Variants in CDC42BPA observed in about 807,000 individuals in gnomAD.
CDC42BPA encodes the protein serine/threonine-protein kinase MRCK alpha.
CDC42BPA carries 80 observed loss-of-function variants against 223.5 expected under a neutral mutation model. That is an observed-to-expected ratio of 0.36 (90% CI 0.30 to 0.43). The LOEUF (loss-of-function observed/expected upper bound fraction) is 0.43, where lower values mean the gene tolerates loss of function less well. Ranked by LOEUF, CDC42BPA falls within the 20% of genes least tolerant of loss-of-function variation. The probability of loss-of-function intolerance (pLI) is 1.00; values close to 1 mark genes in which losing one functional copy is unlikely to be tolerated. For synonymous variants in CDC42BPA, 694 were observed against 718.6 expected, an observed-to-expected ratio of 0.97 and a Z score of 0.55; for missense variants, 1,743 against 2,099.9, an observed-to-expected ratio of 0.83 and a Z score of 3.32.
intron 1 of CDC42BPA, among the ~76,000 whole-genome samples, chr1:227,306,156 TGCTTCC>T (rs1692507318): frequency 8.1e-6 from 1 of 123,668 alleles, no homozygotes; most frequent in African/African-American, 3.0e-5. Flanking sequence ...TTTTTTTTTT[TGCTTCC>T]TTCTACAAAG....
intron 15 of CDC42BPA, among the ~76,000 whole-genome samples, chr1:227,096,250 T>TA (rs1338214873): frequency 1.3e-5 from 2 of 152,154 alleles, no homozygotes; most frequent in African/African-American, 2.4e-5. Context: ...GCAACTTCAA[T>TA]AAAAAAACTG....
chr1:227,263,230 TCAAACAAA>T (rs554018275), intron 1 of CDC42BPA, among the ~76,000 whole-genome samples: 2 of 152,264 alleles, frequency 1.3e-5, no homozygotes, highest in African/African-American at 4.8e-5. Context: ...AGACTCTGTC[TCAAACAAA>T]CAAACAAACA....
At chr1:227,297,967 T>TACACACACACACACACAC (rs1553440423) in intron 1 of CDC42BPA, among the ~76,000 whole-genome samples, 3 of 132,076 alleles carry the variant, frequency 2.3e-5, no homozygotes, top group African/African-American at 8.8e-5. Context: ...TATATACATA[T>TACACACACACACACACAC]ACACACACAC....
At chr1:227,045,446 G>A (rs1003652517) in intron 23 of CDC42BPA, among the ~76,000 whole-genome samples, 2 of 152,148 alleles carry the variant, frequency 1.3e-5, no homozygotes, top group Admixed American at 6.5e-5. Context: ...CTGGGGACAG[G>A]TATTTGTCAT....
At chr1:227,144,856 T>C (rs1387008262) in intron 8 of CDC42BPA, among the ~76,000 whole-genome samples, 6 of 152,188 alleles carry the variant, frequency 3.9e-5, no homozygotes, top group South Asian at 4.1e-4. Flanking sequence ...ATTTTCCCTA[T>C]TGATTTCCTA....
intron 21 of CDC42BPA, among the ~76,000 whole-genome samples, chr1:227,055,863 A>G (rs1674439651): frequency 6.6e-6 from 1 of 151,992 alleles, no homozygotes; most frequent in Non-Finnish European, 1.5e-5. Context: ...AACATCTACT[A>G]TATTTCAGTA....
Position 227,005,233 on chromosome 1 carries a change from T to C in CDC42BPA, c.4858-122A>G, listed in dbSNP as rs576317940. ...TCATCTTGACCAGAATGACACAGAG[T>C]AAGGAATGGCAGATTATATAGTCTT... On this transcript the variant is annotated intron_variant, in intron 34 of 36. Coordinates refer to ENST00000366766, the MANE Select transcript of CDC42BPA (RefSeq NM_001394014.1). 9.9e-4 allele frequency: 699 copies of C among 703,130 alleles called. 1 individual carries two copies. Among genetic ancestry groups the C allele is most frequent in the Non-Finnish European group, 1.5e-3 (619 of 399,960 alleles). 43.6% of individuals were successfully genotyped at this position (703,130 alleles called of 1,614,324 possible). A position where few individuals can be genotyped will look rare whatever the true frequency, so the allele number is the denominator to read the frequency against.
intron 23 of CDC42BPA, among the ~76,000 whole-genome samples, chr1:227,047,208 C>T (rs1672622295): frequency 2.0e-5 from 3 of 152,072 alleles, no homozygotes; most frequent in African/African-American, 4.8e-5. Context: ...TATTTTTCTT[C>T]CTAACTACCT....
intron 1 of CDC42BPA, among the ~76,000 whole-genome samples, chr1:227,314,373 T>C (rs1277051625): frequency 6.6e-6 from 1 of 152,110 alleles, no homozygotes; most frequent in African/African-American, 2.4e-5. Context: ...TAGTGATCAT[T>C]GGCTTAATCC....
chr1:227,292,314 A>AG (rs1689839735), intron 1 of CDC42BPA, among the ~76,000 whole-genome samples: 1 of 152,164 alleles, frequency 6.6e-6, no homozygotes, highest in Admixed American at 6.5e-5. Flanking sequence ...GTTAAAGAAA[A>AG]AATATGAAAT....
In CDC42BPA at chr1:226,994,300, C is replaced by G. The variant is rs1407991147; in HGVS notation, c.5233G>C (p.Glu1745Gln). The change falls in exon 37 of 37, where the codon GAG becomes CAG. Residue 1745 changes from glutamate (E) to glutamine (Q), a missense_variant. Physicochemically the swap from Glu to Gln is conservative, Grantham distance 29 (BLOSUM62 2). Coordinates refer to ENST00000366766, the MANE Select transcript of CDC42BPA (RefSeq NM_001394014.1). The surrounding 1 kb of genome is among the most constrained non-coding windows in gnomAD (Gnocchi z 4.0). Reference sequence around the variant, plus strand: ...TCCCAGCTCCCGCGGTCAGTGCTCTCCAGGGAGAGGCTCTTGGTTTTTCGG... The same window carrying G: ...TCCCAGCTCCCGCGGTCAGTGCTCTGCAGGGAGAGGCTCTTGGTTTTTCGG... ...SPRKTKSLSL[E>Q]STDRGSWDP The G allele has an allele frequency of 6.3e-7, 1 of 1,594,314 alleles. No individual in the cohort carries two copies. The highest frequency in any genetic ancestry group is 8.6e-7 in the Non-Finnish European group (1 of 1,168,792).
intron 35 of CDC42BPA, among the ~76,000 whole-genome samples, chr1:226,996,324 C>T (rs933476795): frequency 2.0e-5 from 3 of 152,192 alleles, no homozygotes; most frequent in African/African-American, 7.2e-5. Context: ...ATTTTGTAAC[C>T]TGAGACTTTG....
At chr1:227,056,197 G>A (rs1470293712) in intron 21 of CDC42BPA, among the ~76,000 whole-genome samples, 1 of 151,948 alleles carries the variant, frequency 6.6e-6, no homozygotes, top group Non-Finnish European at 1.5e-5. Flanking sequence ...CTTTTCTACT[G>A]CCTAAATAAT....
chr1:227,312,237 A>G (rs1644836631), intron 1 of CDC42BPA, among the ~76,000 whole-genome samples: 1 of 152,238 alleles, frequency 6.6e-6, no homozygotes, highest in African/African-American at 2.4e-5. Flanking sequence ...TGAGCTACAT[A>G]CGTAACATAC....
chr1:227,072,773 A>G (rs1484216429), intron 19 of CDC42BPA, among the ~76,000 whole-genome samples: 1 of 152,090 alleles, frequency 6.6e-6, no homozygotes, highest in Non-Finnish European at 1.5e-5. Flanking sequence ...AAACTGGCTC[A>G]TCTTCCTGAC....
At chr1:227,015,689 G>GA (rs61010035) in intron 34 of CDC42BPA, among the ~76,000 whole-genome samples, 121 of 150,664 alleles carry the variant, frequency 8.0e-4, no homozygotes, top group Non-Finnish European at 1.5e-3. Flanking sequence ...TGGGAAGAAG[G>GA]AAAAAAAAAG....
rs199895591 is a variant in CDC42BPA, at chr1:227,277,078, TA to T, written c.179-22924del. Among the ~76,000 whole-genome samples the T allele has an allele frequency of 5.8e-3, 610 of 105,014 alleles. 3 individuals are homozygous for T. The highest frequency in any genetic ancestry group is 0.016 in the African/African-American group (471 of 29,568). 68.9% of individuals were successfully genotyped at this position (105,014 alleles called of 152,430 possible). ...ACACCCAAGAATGATCAATAAATAC[TA>T]AAAAAAAAAAAAAAAAGAAAAAGAA... On this transcript the variant is annotated intron_variant, in intron 1 of 36. Coordinates refer to ENST00000366766, the MANE Select transcript of CDC42BPA (RefSeq NM_001394014.1).
At chr1:227,067,698 A>C (rs558775812) in intron 21 of CDC42BPA, among the ~76,000 whole-genome samples, 7 of 152,258 alleles carry the variant, frequency 4.6e-5, no homozygotes, top group African/African-American at 9.6e-5. Context: ...GCATATTCAA[A>C]ATCACTTTTT....
At chr1:227,076,450 C>T (rs1679501698) in intron 17 of CDC42BPA, among the ~76,000 whole-genome samples, 2 of 151,926 alleles carry the variant, frequency 1.3e-5, no homozygotes, top group South Asian at 4.2e-4. Flanking sequence ...AGAGATGAGG[C>T]TTAGCCACGT....
Sources: gnomAD v4.1 joint callset for allele counts (sites outside exome capture counted in the v4.1 genomes callset) on GRCh38, gnomAD v4.1.1 for gene constraint, Gnocchi (gnomAD v3.1) non-coding constraint, MANE v1.5 for transcripts, NCBI Gene and HGNC (gene_info 2026-07-23, HGNC 2026-07-21) for gene names.